The following KCNJ6 variants were observed in gnomAD, a reference collection of about 807,000 sequenced individuals.
KCNJ6 encodes potassium inwardly rectifying channel subfamily J member 6.
A neutral mutation model predicts 34.2 loss-of-function variants in KCNJ6; 9 were observed. The observed-to-expected ratio is 0.26, with a 90% CI of 0.16 to 0.46. The LOEUF is 0.46. KCNJ6 is among the 20% of genes least tolerant of loss of function. The pLI is 1.00. For missense variants in KCNJ6, 236 were observed against 531.3 expected (o/e 0.44, Z 5.46); for synonymous variants, 196 against 207.1 (o/e 0.95, Z 0.46).
chr21:37,793,826 T>C (rs2055228790), intron 2 of KCNJ6, among the ~76,000 whole-genome samples: 2 of 152,350 alleles, frequency 1.3e-5, no homozygotes, highest in Admixed American at 1.3e-4. Flanking sequence ...CAAGGGCCGG[T>C]GCCTAACTCA....
intron 3 of KCNJ6, among the ~76,000 whole-genome samples, chr21:37,678,130 G>A (rs1344034802): frequency 6.6e-6 from 1 of 152,102 alleles, no homozygotes; most frequent in Admixed American, 6.5e-5. Flanking sequence ...GGTGGTGTCA[G>A]AGAAGATTTC....
At chr21:37,857,558 C>G (rs2123597959) in intron 1 of KCNJ6, among the ~76,000 whole-genome samples, 1 of 152,324 alleles carries the variant, frequency 6.6e-6, no homozygotes, top group South Asian at 2.1e-4. Context: ...CTGTGGCTGC[C>G]AACCTTTGTT....
chr21:37,717,769 G>C (rs1233373405), intron 2 of KCNJ6, among the ~76,000 whole-genome samples: 2 of 152,202 alleles, frequency 1.3e-5, no homozygotes, highest in Non-Finnish European at 2.9e-5. Context: ...CTAAGCTCTT[G>C]TCTTTCTGAG....
intron 2 of KCNJ6, among the ~76,000 whole-genome samples, chr21:37,767,652 G>C (rs1235540456): frequency 6.6e-6 from 1 of 152,096 alleles, no homozygotes; most frequent in Non-Finnish European, 1.5e-5. Context: ...AAAGTGATGG[G>C]GAATTAATTT....
chr21:37,702,126 G>C (rs1303425347), intron 3 of KCNJ6, among the ~76,000 whole-genome samples: 1 of 151,716 alleles, frequency 6.6e-6, no homozygotes. Flanking sequence ...CCAGCTACTT[G>C]GGAGGCTGAG....
rs2055369830 is a variant in KCNJ6, at chr21:37,820,811, A to C, written c.25+19847T>G. 2.0e-5 allele frequency among the ~76,000 whole-genome samples: 3 copies of C among 152,238 alleles called. No individual in the cohort carries two copies. The South Asian group carries it at 6.2e-4, about 31-fold the overall frequency. ...TAGGATATAAGAACTTAGGAGATAC[A>C]CTGACCAAAAACCATGAGGTATATG... On this transcript the variant is annotated intron_variant, in intron 2 of 3. Coordinates refer to ENST00000609713, the MANE Select transcript of KCNJ6 (RefSeq NM_002240.5).
chr21:37,791,751 C>T (rs1265878808), intron 2 of KCNJ6, among the ~76,000 whole-genome samples: 2 of 151,916 alleles, frequency 1.3e-5, no homozygotes, highest in Admixed American at 6.5e-5. Flanking sequence ...AATCTGTTGG[C>T]AAAGATTGAT....
chr21:37,779,879 C>A (rs945384748), intron 2 of KCNJ6, among the ~76,000 whole-genome samples: 4 of 152,256 alleles, frequency 2.6e-5, no homozygotes, highest in Admixed American at 1.3e-4. Context: ...GGATGTGATT[C>A]CATTTAACTG....
intron 2 of KCNJ6, among the ~76,000 whole-genome samples, chr21:37,838,219 T>C (rs2836012): frequency 1.1e-4 from 16 of 152,200 alleles, no homozygotes; most frequent in African/African-American, 3.6e-4. Flanking sequence ...AGAGATATTG[T>C]TCAGCCAAAC....
intron 2 of KCNJ6, among the ~76,000 whole-genome samples, chr21:37,745,522 G>C (rs2054963467): frequency 6.6e-6 from 1 of 152,174 alleles, no homozygotes; most frequent in Non-Finnish European, 1.5e-5. Flanking sequence ...TTCCCCCAGA[G>C]CTTCCAGAAA....
At chr21:37,815,123 G>C (rs187321139) in intron 2 of KCNJ6, among the ~76,000 whole-genome samples, 1 of 152,026 alleles carries the variant, frequency 6.6e-6, no homozygotes, top group African/African-American at 2.4e-5. Context: ...GGGGAGGGTA[G>C]TGGGAGGCTG....
intron 3 of KCNJ6, among the ~76,000 whole-genome samples, chr21:37,626,130 C>CTTTTTTTTT (rs10649366): frequency 2.1e-5 from 3 of 143,040 alleles, no homozygotes; most frequent in African/African-American, 2.6e-5. Flanking sequence ...TTTCCCCCTT[C>CTTTTTTTTT]TTTTTTTTTT....
At chr21:37,857,501 C>A (rs990404403) in intron 1 of KCNJ6, among the ~76,000 whole-genome samples, 1 of 152,214 alleles carries the variant, frequency 6.6e-6, no homozygotes, top group African/African-American at 2.4e-5. Flanking sequence ...CAAAGGGAAT[C>A]TTTTTGTGTG....
intron 2 of KCNJ6, among the ~76,000 whole-genome samples, chr21:37,783,500 A>T (rs2055179273): frequency 6.6e-6 from 1 of 152,086 alleles, no homozygotes; most frequent in African/African-American, 2.4e-5. Context: ...TCCCACCATG[A>T]TTCTAAGGCC....
intron 1 of KCNJ6, among the ~76,000 whole-genome samples, chr21:37,911,291 T>C (rs2123654315): frequency 6.9e-6 from 1 of 144,860 alleles, no homozygotes; most frequent in Non-Finnish European, 1.5e-5. Flanking sequence ...TCTCTCCAAA[T>C]ACTTTCACTA....
At chr21:37,666,131 G>A (rs2054512851) in intron 3 of KCNJ6, among the ~76,000 whole-genome samples, 1 of 152,218 alleles carries the variant, frequency 6.6e-6, no homozygotes, top group African/African-American at 2.4e-5. Flanking sequence ...CCAAACCACA[G>A]AAGCGGGAGT....
At position 37,892,922 on chromosome 21, in the gene KCNJ6, G is replaced by A. The variant is rs554136285; in HGVS notation, c.-28+22962C>T. Among the ~76,000 whole-genome samples, 24 of 147,100 alleles carry A rather than the reference G, an allele frequency of 1.6e-4. No homozygotes were observed. In the South Asian group the frequency reaches 3.5e-3, roughly 21 times the overall value. ...GGCTGGAATGCAGTGGTGTGATCTC[G>A]GCTCAGTGCAAGCTCCACCTCCCGG... On this transcript the variant is annotated intron_variant, in intron 1 of 3. Coordinates refer to ENST00000609713, the MANE Select transcript of KCNJ6 (RefSeq NM_002240.5).
chr21:37,739,824 G>T (rs995633642), intron 2 of KCNJ6, among the ~76,000 whole-genome samples: 2 of 151,986 alleles, frequency 1.3e-5, no homozygotes, highest in African/African-American at 4.8e-5. Flanking sequence ...AAAGTGAACT[G>T]GGAGAGGGCA....
chr21:37,643,740 C>T (rs2054391608), intron 3 of KCNJ6, among the ~76,000 whole-genome samples: 1 of 152,192 alleles, frequency 6.6e-6, no homozygotes, highest in East Asian at 1.9e-4. Flanking sequence ...CTTTGCCACA[C>T]ATTTGCATCT....
Sources: allele counts gnomAD v4.1 joint callset (sites outside exome capture counted in the v4.1 genomes callset), GRCh38; gene constraint gnomAD v4.1.1; transcripts MANE v1.5; gene names NCBI Gene and HGNC (gene_info 2026-07-23, HGNC 2026-07-21).